TRAT1: variants seen among roughly 807,000 people sequenced by gnomAD.
The protein encoded by TRAT1 is T cell receptor associated transmembrane adaptor 1.
TRAT1 carries 20 observed loss-of-function variants against 20.0 expected under a neutral mutation model. The ratio of observed to expected loss-of-function variants is 1.00; its 90% CI spans 0.70 to 1.45. The LOEUF is 1.45. Among genes scored for constraint, TRAT1 ranks in the 40% most tolerant of loss-of-function variants. The probability of loss-of-function intolerance (pLI) is 0.00; values close to 1 mark genes in which losing one functional copy is unlikely to be tolerated. For synonymous variants in TRAT1, 77 were observed against 74.2 expected (o/e 1.04, Z -0.20); for missense variants, 237 against 224.1 (o/e 1.06, Z -0.37).
chr3:108,828,150 A>G (rs1945758765), intron 1 of TRAT1, among the ~76,000 whole-genome samples: 1 of 152,152 alleles, frequency 6.6e-6, no homozygotes, highest in African/African-American at 2.4e-5. Flanking sequence ...ATGATTGGTT[A>G]TATTGTACTA....
chr3:108,848,057 A>G (rs543371560), intron 4 of TRAT1, among the ~76,000 whole-genome samples: 2 of 152,320 alleles, frequency 1.3e-5, no homozygotes, highest in East Asian at 3.9e-4. Context: ...ATTCAAAATA[A>G]TTTGTCCCCA....
At chr3:108,832,367 G>A (rs1368496927) in intron 2 of TRAT1, among the ~76,000 whole-genome samples, 1 of 152,084 alleles carries the variant, frequency 6.6e-6, no homozygotes, top group Admixed American at 6.6e-5. Flanking sequence ...TTTTTCATTA[G>A]CAATGCTTTC....
At chr3:108,827,098 T>C (rs1945746796) in intron 1 of TRAT1, among the ~76,000 whole-genome samples, 1 of 152,200 alleles carries the variant, frequency 6.6e-6, no homozygotes, top group South Asian at 2.1e-4. Context: ...GCCATTCCTC[T>C]CTGATAATTT....
intron 3 of TRAT1, among the ~76,000 whole-genome samples, chr3:108,843,354 A>C (rs572611830): frequency 1.3e-5 from 2 of 152,144 alleles, no homozygotes; most frequent in African/African-American, 4.8e-5. Flanking sequence ...ACATAGTAAA[A>C]CTCTGTCTCC....
At chr3:108,835,276 T>A (rs1436456866) in intron 2 of TRAT1, among the ~76,000 whole-genome samples, 1 of 152,244 alleles carries the variant, frequency 6.6e-6, no homozygotes, top group Admixed American at 6.5e-5. Context: ...AGTGTTTGCA[T>A]CTGAATCACA....
chr3:108,851,374 C>T (rs932421045), intron 5 of TRAT1, among the ~76,000 whole-genome samples: 2 of 152,102 alleles, frequency 1.3e-5, no homozygotes, highest in African/African-American at 4.8e-5. Context: ...TCCCCAAATC[C>T]CAAAACATTT....
At chr3:108,839,024 T>C (rs1945867082) in intron 3 of TRAT1, 57 bp downstream of exon 3, 1 of 1,318,594 alleles carries the variant, frequency 7.6e-7, no homozygotes, top group Admixed American at 1.7e-5. Context: ...AAAGTAACAA[T>C]GCTATATTGT....
At chr3:108,825,817 G>A (rs568963742) in intron 1 of TRAT1, among the ~76,000 whole-genome samples, 166 of 152,244 alleles carry the variant, frequency 1.1e-3, no homozygotes, top group Non-Finnish European at 1.9e-3. Flanking sequence ...AATATTAAAA[G>A]AAACATCATA....
chr3:108,837,800 A>G (rs1486555423), intron 2 of TRAT1, among the ~76,000 whole-genome samples: 1 of 152,224 alleles, frequency 6.6e-6, no homozygotes, highest in Non-Finnish European at 1.5e-5. Flanking sequence ...AAGAAAATTT[A>G]CTGATGAATG....
At chr3:108,843,364 C>T (rs1278847005) in intron 3 of TRAT1, among the ~76,000 whole-genome samples, 1 of 151,954 alleles carries the variant, frequency 6.6e-6, no homozygotes, top group Non-Finnish European at 1.5e-5. Context: ...ACTCTGTCTC[C>T]ATTAAAAATA....
At chr3:108,845,039 T>G (rs1435551638) in intron 3 of TRAT1, among the ~76,000 whole-genome samples, 1 of 152,044 alleles carries the variant, frequency 6.6e-6, no homozygotes, top group African/African-American at 2.4e-5. Flanking sequence ...AACTCAGAGG[T>G]ACACTAGCCT....
At position 108,853,883 on chromosome 3, in the gene TRAT1, C is replaced by A. The variant is rs1238119704; in HGVS notation, c.*6C>A. ...AGAGAGAACCTATAAACTAGCTGGA[C>A]CATGATCTAGTTCAATGATTTGGCT... On this transcript the variant is annotated 3_prime_UTR_variant, in exon 6 of 6. Coordinates refer to ENST00000295756, the MANE Select transcript of TRAT1 (RefSeq NM_016388.4). 6.2e-7 allele frequency: 1 copy of A among 1,612,442 alleles called. No individual in the cohort carries two copies. The highest frequency in any genetic ancestry group is 1.1e-5 in the South Asian group (1 of 90,974).
At chr3:108,826,005 A>G (rs572825997) in intron 1 of TRAT1, among the ~76,000 whole-genome samples, 70 of 152,280 alleles carry the variant, frequency 4.6e-4, no homozygotes, top group African/African-American at 1.4e-3. Context: ...AGGTTTACCA[A>G]TCTCAGGTAA....
intron 2 of TRAT1, among the ~76,000 whole-genome samples, chr3:108,837,580 T>C (rs865822724): frequency 6.6e-6 from 1 of 152,206 alleles, no homozygotes; most frequent in African/African-American, 2.4e-5. Flanking sequence ...CTTACTAATA[T>C]AGAGTGTTTT....
intron 2 of TRAT1, among the ~76,000 whole-genome samples, chr3:108,834,103 A>G (rs760434969): frequency 2.0e-5 from 3 of 152,086 alleles, no homozygotes; most frequent in African/African-American, 7.2e-5. Flanking sequence ...TATTTAACAC[A>G]TCTGTACAAC....
At chr3:108,831,568 CT>C (rs1945793661) in intron 2 of TRAT1, among the ~76,000 whole-genome samples, 1 of 137,518 alleles carries the variant, frequency 7.3e-6, no homozygotes, top group Non-Finnish European at 1.5e-5. Flanking sequence ...GAGACAGGAT[CT>C]TGCTCTGTCG....
chr3:108,824,447 C>T (rs1013683933), intron 1 of TRAT1, among the ~76,000 whole-genome samples: 2 of 152,158 alleles, frequency 1.3e-5, no homozygotes, highest in Non-Finnish European at 2.9e-5. Flanking sequence ...GTTCAATATG[C>T]ATTACTTTGA....
At chr3:108,851,105 A>G (rs1001280933) in intron 5 of TRAT1, among the ~76,000 whole-genome samples, 1 of 152,158 alleles carries the variant, frequency 6.6e-6, no homozygotes, top group Non-Finnish European at 1.5e-5. Context: ...AGTGTTTATT[A>G]TCATAAAAAA....
At chr3:108,844,843 CAAAAAA>C (rs71103495) in intron 3 of TRAT1, among the ~76,000 whole-genome samples, 883 of 47,708 alleles carry the variant, frequency 0.019, 2 homozygotes, top group African/African-American at 0.068. Flanking sequence ...GACTCTGTCT[CAAAAAA>C]AAAAAAAAAA....
Sources: allele counts gnomAD v4.1 joint callset (sites outside exome capture counted in the v4.1 genomes callset), GRCh38; gene constraint gnomAD v4.1.1; transcripts MANE v1.5; gene names NCBI Gene and HGNC (gene_info 2026-07-23, HGNC 2026-07-21).